ATP6V1H: variants seen among roughly 807,000 people sequenced by gnomAD.
ATP6V1H encodes V-type proton ATPase subunit H.
A neutral mutation model predicts 71.7 loss-of-function variants in ATP6V1H; 39 were observed. The observed-to-expected ratio is 0.54, with a 90% CI of 0.42 to 0.71. The LOEUF is 0.71. Among genes scored for constraint, ATP6V1H ranks in the 30% least tolerant of loss-of-function variants. ATP6V1H has a pLI of 0.00. For synonymous variants in ATP6V1H, 192 were observed against 199.3 expected, an observed-to-expected ratio of 0.96 and a Z score of 0.31; for missense variants, 509 against 594.9, an observed-to-expected ratio of 0.86 and a Z score of 1.50.
At chr8:53,721,549 A>T (rs1182868944) in intron 13 of ATP6V1H, among the ~76,000 whole-genome samples, 1 of 152,242 alleles carries the variant, frequency 6.6e-6, no homozygotes, top group Non-Finnish European at 1.5e-5. Flanking sequence ...ATACCCATAA[A>T]GGTACAGATG....
At chr8:53,749,644 T>C (rs979257109) in intron 12 of ATP6V1H, among the ~76,000 whole-genome samples, 3 of 152,070 alleles carry the variant, frequency 2.0e-5, no homozygotes, top group Non-Finnish European at 2.9e-5. Context: ...CAAAGTGAAT[T>C]TGTGGCATTT....
At chr8:53,746,396 C>G (rs1807604311) in intron 12 of ATP6V1H, among the ~76,000 whole-genome samples, 1 of 151,936 alleles carries the variant, frequency 6.6e-6, no homozygotes, top group Non-Finnish European at 1.5e-5. Context: ...TCCCGAGTAG[C>G]TGGGATTACA....
At chr8:53,744,891 G>A (rs1030582967) in intron 12 of ATP6V1H, among the ~76,000 whole-genome samples, 6 of 152,170 alleles carry the variant, frequency 3.9e-5, no homozygotes, top group African/African-American at 1.4e-4. Flanking sequence ...CTGACAAATA[G>A]GGAAGACAAG....
At chr8:53,836,122 T>C (rs1235821059) in intron 2 of ATP6V1H, among the ~76,000 whole-genome samples, 1 of 152,204 alleles carries the variant, frequency 6.6e-6, no homozygotes, top group Non-Finnish European at 1.5e-5. Flanking sequence ...TGGGGTAGAC[T>C]AAAATAACAA....
At chr8:53,790,697 C>T (rs1244311318) in intron 9 of ATP6V1H, among the ~76,000 whole-genome samples, 1 of 152,146 alleles carries the variant, frequency 6.6e-6, no homozygotes, top group Non-Finnish European at 1.5e-5. Context: ...TGAGTGCATA[C>T]AGACTTTGTA....
intron 13 of ATP6V1H, among the ~76,000 whole-genome samples, chr8:53,738,563 T>C (rs1323145773): frequency 6.6e-6 from 1 of 152,216 alleles, no homozygotes; most frequent in East Asian, 1.9e-4. Context: ...AAACATGAAC[T>C]AGATCCACAG....
chr8:53,829,606 T>C (rs542275377), intron 3 of ATP6V1H, 73 bp from the exon 4 acceptor site: 39 of 889,636 alleles, frequency 4.4e-5, no homozygotes, highest in Middle Eastern at 2.7e-4. Context: ...CAGTAAAACA[T>C]TGTCTCTCTT....
intron 13 of ATP6V1H, among the ~76,000 whole-genome samples, chr8:53,739,029 A>G (rs934875578): frequency 6.0e-5 from 9 of 149,754 alleles, no homozygotes; most frequent in African/African-American, 2.2e-4. Context: ...TAAAAATGTC[A>G]TAATAATGTG....
chr8:53,750,577 T>C (rs972035576), intron 12 of ATP6V1H, among the ~76,000 whole-genome samples: 4 of 152,120 alleles, frequency 2.6e-5, no homozygotes, highest in Non-Finnish European at 5.9e-5. Context: ...TAAAAATGTA[T>C]CAGTGGACCA....
chr8:53,732,798 T>C, intron 13 of ATP6V1H, among the ~76,000 whole-genome samples: 1 of 152,042 alleles, frequency 6.6e-6, no homozygotes, highest in Non-Finnish European at 1.5e-5. Flanking sequence ...TCCCTCCATA[T>C]GTCCCAGCCT....
chr8:53,812,286 T>TA (rs994822218), intron 6 of ATP6V1H, among the ~76,000 whole-genome samples: 9 of 152,228 alleles, frequency 5.9e-5, no homozygotes, highest in Admixed American at 5.2e-4. Flanking sequence ...CTGCACAATT[T>TA]AAAGTCCACA....
intron 12 of ATP6V1H, among the ~76,000 whole-genome samples, chr8:53,746,343 C>A (rs548410993): frequency 7.2e-5 from 11 of 151,826 alleles, no homozygotes; most frequent in African/African-American, 2.7e-4. Flanking sequence ...CGGCTCACTG[C>A]AACCTCCACC....
intron 13 of ATP6V1H, among the ~76,000 whole-genome samples, chr8:53,718,283 G>A (rs189191585): frequency 3.9e-5 from 6 of 152,166 alleles, no homozygotes; most frequent in Admixed American, 2.6e-4. Context: ...AGCAGAGAAC[G>A]TAAAGACACA....
chr8:53,744,742 A>G (rs1448503120), intron 12 of ATP6V1H, among the ~76,000 whole-genome samples: 2 of 152,234 alleles, frequency 1.3e-5, no homozygotes, highest in Non-Finnish European at 1.5e-5. Context: ...AAAAAAGAAC[A>G]TAATGTAACT....
chr8:53,742,578 T>C (rs773368828), intron 13 of ATP6V1H, among the ~76,000 whole-genome samples: 6 of 152,188 alleles, frequency 3.9e-5, no homozygotes, highest in Non-Finnish European at 7.3e-5. Flanking sequence ...GGGTACAGAT[T>C]TGTACACTTA....
At chr8:53,790,271 C>A (rs919223947) in intron 9 of ATP6V1H, among the ~76,000 whole-genome samples, 1 of 152,172 alleles carries the variant, frequency 6.6e-6, no homozygotes, top group Non-Finnish European at 1.5e-5. Context: ...GTAAATAACA[C>A]ACTTGCGTTC....
At position 53,809,026 on chromosome 8, in the gene ATP6V1H, C is replaced by CT. The variant is rs138750423; in HGVS notation, c.579+2137dup. Among the ~76,000 whole-genome samples, 1,012 of 152,214 alleles carry CT rather than the reference C, an allele frequency of 6.6e-3. 28 individuals carry two copies. The highest frequency in any genetic ancestry group is 0.045 in the Admixed American group (691 of 15,288). ...TGATTTAAAGATGTGATACTGATAC[C>CT]TTAAAAAGTCTGAGTAAGCAATGCA... On this transcript the variant is annotated intron_variant, in intron 7 of 13. Coordinates refer to ENST00000359530, the MANE Select transcript of ATP6V1H (RefSeq NM_015941.4).
At chr8:53,743,227 G>C (rs2130184758) in intron 13 of ATP6V1H, among the ~76,000 whole-genome samples, 1 of 152,272 alleles carries the variant, frequency 6.6e-6, no homozygotes, top group South Asian at 2.1e-4. Flanking sequence ...ACCATATGCT[G>C]AATAGGTAAG....
At chr8:53,769,556 GA>G in intron 11 of ATP6V1H, 61 bp downstream of exon 11, 1 of 1,474,322 alleles carries the variant, frequency 6.8e-7, no homozygotes, top group Admixed American at 2.2e-5. Flanking sequence ...TGACAAAAAC[GA>G]GTGTTGGTGA....
Sources: allele counts gnomAD v4.1 joint callset (sites outside exome capture counted in the v4.1 genomes callset), GRCh38; gene constraint gnomAD v4.1.1; transcripts MANE v1.5; gene names NCBI Gene and HGNC (gene_info 2026-07-23, HGNC 2026-07-21).